ZFP28: variants seen among roughly 807,000 people sequenced by gnomAD.
ZFP28 encodes the protein ZFP28 zinc finger protein.
ZFP28 carries 31 observed loss-of-function variants against 39.5 expected under a neutral mutation model. The observed-to-expected ratio is 0.79, with a 90% CI of 0.59 to 1.06. The LOEUF is 1.06. Ranked by LOEUF, ZFP28 falls within the 50% of genes least tolerant of loss-of-function variation. The probability of loss-of-function intolerance (pLI) is 0.00; values close to 1 mark genes in which losing one functional copy is unlikely to be tolerated. For synonymous variants in ZFP28, 400 were observed against 378.6 expected (o/e 1.06, Z -0.66); for missense variants, 925 against 1,048.4 (o/e 0.88, Z 1.63).
At chr19:56,539,553 A>G in intron 1 of ZFP28, 72 bp from the exon 2 acceptor site, 1 of 1,295,088 alleles carries the variant, frequency 7.7e-7, no homozygotes, top group Non-Finnish European at 1.1e-6. Flanking sequence ...TCATGCAGGA[A>G]GGGACGTTTC....
rs1381785161 is a variant in ZFP28 at position 56,547,285 on chromosome 19, G to T, written c.301-223G>T. 1 of 576,244 alleles carries T rather than the reference G, an allele frequency of 1.7e-6. No homozygotes were observed. The highest frequency in any genetic ancestry group is 3.0e-6 in the Non-Finnish European group (1 of 332,926). 35.7% of individuals were successfully genotyped at this position (576,244 alleles called of 1,614,324 possible). A position where few individuals can be genotyped will look rare whatever the true frequency, so the allele number is the denominator to read the frequency against. Reference sequence around the variant, plus strand: ...TGGTATCTCTTCCTGTTTTAATAAGGACACCAGACAGATTGGGTTAGGGCC... The same window carrying T: ...TGGTATCTCTTCCTGTTTTAATAAGTACACCAGACAGATTGGGTTAGGGCC... On this transcript the variant is annotated intron_variant, in intron 2 of 7. Coordinates refer to ENST00000301318, the MANE Select transcript of ZFP28 (RefSeq NM_020828.2). The surrounding 1 kb of genome is among the most constrained non-coding windows in gnomAD (Gnocchi z 4.6).
intron 7 of ZFP28, chr19:56,551,020 A>G (rs1600548847): frequency 8.1e-7 from 1 of 1,241,404 alleles, no homozygotes; most frequent in Non-Finnish European, 1.0e-6. Flanking sequence ...TTGGCAGGCG[A>G]TTGGAAAAAG....
chr19:56,545,953 G>A (rs2044237896), intron 2 of ZFP28: 1 of 152,204 alleles, frequency 6.6e-6, no homozygotes, highest in Non-Finnish European at 1.5e-5. Context: ...TATAGGTCAA[G>A]GGTGACAAGC....
rs372683957 is a variant in ZFP28, at chr19:56,555,217, G to C, written c.2432G>C (p.Arg811Thr). 1 of 1,614,010 alleles carries C rather than the reference G, an allele frequency of 6.2e-7. No individual in the cohort carries two copies. The highest frequency in any genetic ancestry group is 1.3e-5 in the African/African-American group (1 of 74,908). The stretch of plus-strand genomic sequence containing the variant: ...CATAAGAGAGTTCATACTGGAGAGA[G>C]ATCTTATAACTATAAGAAAAGCAGA... ...NQHKRVHTGE[R>T]SYNYKKSRKV... Residue 811 changes from arginine (R) to threonine (T), a missense_variant, in exon 8 of 8, where the codon AGA becomes ACA. Coordinates refer to ENST00000301318, the MANE Select transcript of ZFP28 (RefSeq NM_020828.2).
chr19:56,537,440 A>T (rs879702422), upstream of ZFP28, among the ~76,000 whole-genome samples: 2 of 152,204 alleles, frequency 1.3e-5, no homozygotes, highest in African/African-American at 2.4e-5. Context: ...TTACAGAGCC[A>T]CTACTCCTTA....
At chr19:56,537,911 C>A (rs909935315), upstream of ZFP28, 5 of 152,158 alleles carry the variant, frequency 3.3e-5, no homozygotes, top group African/African-American at 4.8e-5. Context: ...GGGGAGAGAC[C>A]GGTCCTAAAC....
At chr19:56,551,563 G>A (rs941461703) in intron 7 of ZFP28, 1 of 985,082 alleles carries the variant, frequency 1.0e-6, no homozygotes, top group Non-Finnish European at 1.2e-6. Context: ...TACACATTTT[G>A]GGGATTGCTG....
chr19:56,550,728 AGAAAATT>A, intron 7 of ZFP28, 123 bp downstream of exon 7: 1 of 1,560,838 alleles, frequency 6.4e-7, no homozygotes. Flanking sequence ...GGGTCTGGAA[AGAAAATT>A]GAACTCTGGG....
Position 56,547,319 on chromosome 19 carries a change from A to G in ZFP28, c.301-189A>G, listed in dbSNP as rs149726761. 2 of 761,094 alleles carry G rather than the reference A, an allele frequency of 2.6e-6. No homozygotes were observed. Among genetic ancestry groups the G allele is most frequent in the East Asian group, 2.7e-5 (1 of 36,678 alleles). The allele number at this position is 761,094 out of a possible 1,614,324, so 47.1% of individuals were successfully genotyped here. A position where few individuals can be genotyped will look rare whatever the true frequency, so the allele number is the denominator to read the frequency against. ...CAGATTGGGTTAGGGCCCCACCCAT[A>G]TGACCTCATTTAACCCTAATTACCT... On this transcript the variant is annotated intron_variant, in intron 2 of 7. Coordinates refer to ENST00000301318, the MANE Select transcript of ZFP28 (RefSeq NM_020828.2). This position sits in a 1 kb window ranked among gnomAD's most constrained non-coding sequence, Gnocchi z 4.6.
At chr19:56,552,981 G>A (rs2044318681) in intron 7 of ZFP28, 1 of 152,076 alleles carries the variant, frequency 6.6e-6, no homozygotes, top group African/African-American at 2.4e-5. Context: ...ACAATTCAGT[G>A]ACAGTATATT....
intron 5 of ZFP28, 23 bp downstream of exon 5, chr19:56,549,144 G>T (rs771555571): frequency 1.3e-6 from 2 of 1,588,412 alleles, no homozygotes; most frequent in South Asian, 2.3e-5. Flanking sequence ...ACAAATTTCA[G>T]GCAAGAGGAA....
intron 2 of ZFP28, among the ~76,000 whole-genome samples, chr19:56,541,877 ATTTT>A (rs11297964): frequency 0.028 from 1,685 of 61,116 alleles, 24 homozygotes; most frequent in East Asian, 0.081. Context: ...CACCTGGCTA[ATTTT>A]TTTTTTTTTT....
At position 56,547,999 on chromosome 19, in the gene ZFP28, T is replaced by G; in HGVS notation, c.523+97T>G. The G allele has an allele frequency of 9.0e-7, 1 of 1,116,252 alleles. No individual in the cohort carries two copies. Among genetic ancestry groups the G allele is most frequent in the Non-Finnish European group, 1.3e-6 (1 of 776,412 alleles). The allele number at this position is 1,116,252 out of a possible 1,614,324, so 69.1% of individuals were successfully genotyped here. A position where few individuals can be genotyped will look rare whatever the true frequency, so the allele number is the denominator to read the frequency against. ...CTTCAGCAGACTCTTCCTAAGCCTC[T>G]TGCTTAGGAATATCTGTTATTTTTA... On this transcript the variant is annotated intron_variant, in intron 4 of 7. Coordinates refer to ENST00000301318, the MANE Select transcript of ZFP28 (RefSeq NM_020828.2). The surrounding 1 kb of genome is among the most constrained non-coding windows in gnomAD (Gnocchi z 4.6).
At chr19:56,546,173 AG>A (rs1346893839) in intron 2 of ZFP28, 1 of 152,186 alleles carries the variant, frequency 6.6e-6, no homozygotes, top group Non-Finnish European at 1.5e-5. Context: ...TAACCAAGTG[AG>A]GTTTCAGAGC....
At chr19:56,544,738 A>G (rs2044224925) in intron 2 of ZFP28, 2 of 152,230 alleles carry the variant, frequency 1.3e-5, no homozygotes, top group Admixed American at 1.3e-4. Context: ...ATATATAAGT[A>G]TATAGAATTG....
In ZFP28 at chr19:56,556,467, C is replaced by T. The variant is rs1039601918; in HGVS notation, c.*1075C>T. ...CTAAAGCCCATGGACCAAATCCTAT[C>T]TGCTGCTTGTTTTTGTAAATAGAGT... On this transcript the variant is annotated 3_prime_UTR_variant, in exon 8 of 8. Transcript: ENST00000301318. The T allele has an allele frequency of 2.0e-5, 3 of 152,194 alleles. No individual in the cohort carries two copies. The highest frequency in any genetic ancestry group is 4.4e-5 in the Non-Finnish European group (3 of 68,038). The allele number at this position is 152,194 out of a possible 1,614,324, so 9.4% of individuals were successfully genotyped here. A position where few individuals can be genotyped will look rare whatever the true frequency, so the allele number is the denominator to read the frequency against.
In ZFP28 at chr19:56,547,465, G is replaced by T. The variant is rs1279583907; in HGVS notation, c.301-43G>T. 1.2e-6 allele frequency: 2 copies of T among 1,613,932 alleles called. No homozygotes were observed. Among genetic ancestry groups the T allele is most frequent in the South Asian group, 2.2e-5 (2 of 91,066 alleles). ...ATAACAAACCCCCAGTCATGTGGGG[G>T]CATGAGCACTGGTTGAGCAAGAACA... On this transcript the variant is annotated intron_variant, in intron 2 of 7. Transcript: ENST00000301318. This position sits in a 1 kb window ranked among gnomAD's most constrained non-coding sequence, Gnocchi z 4.6.
At position 56,554,045 on chromosome 19, in the gene ZFP28, C is replaced by T; in HGVS notation, c.1260C>T (p.Phe420=). The T allele has an allele frequency of 6.2e-7, 1 of 1,614,004 alleles. No homozygotes were observed. Among genetic ancestry groups the T allele is most frequent in the Non-Finnish European group, 8.5e-7 (1 of 1,180,006 alleles). Residue 420 remains phenylalanine, a synonymous_variant, in exon 8 of 8, where the codon TTC becomes TTT. Coordinates refer to ENST00000301318, the MANE Select transcript of ZFP28 (RefSeq NM_020828.2). The surrounding 1 kb of genome is among the most constrained non-coding windows in gnomAD (Gnocchi z 6.7). ...GCATCTATGCAGGAAAAAAGCTTTT[C>T]AAGTGTAATGAATGTAAGAAAACTT... The part of the protein sequence containing the change: ...QTGIYAGKKL[F]KCNECKKTFT...
Position 56,555,539 on chromosome 19 carries a change from C to G in ZFP28, c.*147C>G. ...ACTCCTCTTGTAAAACTTATAGTTT[C>G]TTTAAATTGGTTAATGTGTGAGATG... On this transcript the variant is annotated 3_prime_UTR_variant, in exon 8 of 8. Transcript: ENST00000301318. The G allele has an allele frequency of 8.5e-7, 1 of 1,176,656 alleles. No individual in the cohort carries two copies. The allele number at this position is 1,176,656 out of a possible 1,614,324, so 72.9% of individuals were successfully genotyped here.
Sources: gnomAD v4.1 joint callset for allele counts (sites outside exome capture counted in the v4.1 genomes callset) on GRCh38, gnomAD v4.1.1 for gene constraint, Gnocchi (gnomAD v3.1) non-coding constraint, MANE v1.5 for transcripts, NCBI Gene and HGNC (gene_info 2026-07-23, HGNC 2026-07-21) for gene names.